The following FAM135B variants were observed in gnomAD, a reference collection of about 807,000 sequenced individuals.
The protein encoded by FAM135B is family with sequence similarity 135 member B.
FAM135B carries 43 observed loss-of-function variants against 127.7 expected under a neutral mutation model. The ratio of observed to expected loss-of-function variants is 0.34; its 90% CI spans 0.26 to 0.43. The LOEUF (loss-of-function observed/expected upper bound fraction) is 0.43, where lower values mean the gene tolerates loss of function less well. FAM135B is among the 20% of genes least tolerant of loss of function. FAM135B has a pLI of 1.00. For missense variants in FAM135B, 1,558 were observed against 1,725.6 expected (o/e 0.90, Z 1.72); for synonymous variants, 670 against 665.1 (o/e 1.01, Z -0.11).
chr8:138,473,685 T>C (rs961901456), intron 1 of FAM135B, among the ~76,000 whole-genome samples: 13 of 152,298 alleles, frequency 8.5e-5, no homozygotes, highest in African/African-American at 3.1e-4. Context: ...CCAATGAGAA[T>C]AATGCACTGG....
At chr8:138,312,948 C>T (rs1228871313) in intron 2 of FAM135B, among the ~76,000 whole-genome samples, 2 of 151,696 alleles carry the variant, frequency 1.3e-5, no homozygotes, top group Non-Finnish European at 3.0e-5. Flanking sequence ...GCAGAGATCG[C>T]CTTTTAAAAT....
At chr8:138,396,985 G>T (rs1438290530) in intron 1 of FAM135B, among the ~76,000 whole-genome samples, 1 of 152,142 alleles carries the variant, frequency 6.6e-6, no homozygotes, top group Non-Finnish European at 1.5e-5. Context: ...ATAAAATCAG[G>T]GTTCCTTGAC....
At chr8:138,297,279 A>T (rs1825544822) in intron 3 of FAM135B, among the ~76,000 whole-genome samples, 1 of 152,236 alleles carries the variant, frequency 6.6e-6, no homozygotes, top group African/African-American at 2.4e-5. Context: ...TAATTCCGTG[A>T]CAAGGGCTTG....
At chr8:138,250,195 A>T (rs567656506) in intron 6 of FAM135B, among the ~76,000 whole-genome samples, 2 of 152,028 alleles carry the variant, frequency 1.3e-5, no homozygotes, top group Non-Finnish European at 2.9e-5. Flanking sequence ...TCTACTAAAA[A>T]TACAAAAATT....
At chr8:138,159,408 G>A (rs1269399134) in intron 12 of FAM135B, among the ~76,000 whole-genome samples, 1 of 151,258 alleles carries the variant, frequency 6.6e-6, no homozygotes, top group African/African-American at 2.4e-5. Context: ...TATACACCAT[G>A]GAATACTATG....
intron 1 of FAM135B, among the ~76,000 whole-genome samples, chr8:138,473,973 ATTTG>A (rs771728166): frequency 2.6e-5 from 4 of 152,170 alleles, no homozygotes; most frequent in Non-Finnish European, 2.9e-5. Context: ...CTTGGGATAC[ATTTG>A]TTTGTTATGC....
In FAM135B at chr8:138,241,953, T is replaced by C. The variant is rs769349197; in HGVS notation, c.669+989A>G. Among the ~76,000 whole-genome samples the C allele has an allele frequency of 1.3e-5, 2 of 152,140 alleles. No individual in the cohort carries two copies. The highest frequency in any genetic ancestry group is 2.9e-5 in the Non-Finnish European group (2 of 68,036). ...GTGAGAGAAAACTGTCTCTCTTATT[T>C]ATTGTCTTTGATCTGGGACATCAGT... On this transcript the variant is annotated intron_variant, in intron 7 of 19. Transcript: ENST00000395297. This position sits in a 1 kb window ranked among gnomAD's most constrained non-coding sequence, Gnocchi z 4.8.
chr8:138,218,905 C>T (rs546054032), intron 7 of FAM135B, among the ~76,000 whole-genome samples: 4 of 152,156 alleles, frequency 2.6e-5, no homozygotes, highest in South Asian at 2.1e-4. Flanking sequence ...TAAAATACTC[C>T]GCAAGAAAAT....
chr8:138,494,931 T>C (rs1815336381), intron 1 of FAM135B, among the ~76,000 whole-genome samples: 1 of 152,092 alleles, frequency 6.6e-6, no homozygotes, highest in Admixed American at 6.5e-5. Flanking sequence ...CACTTGACCT[T>C]CAGCACTTGT....
chr8:138,399,441 A>G (rs2131358196), intron 1 of FAM135B, among the ~76,000 whole-genome samples: 1 of 152,302 alleles, frequency 6.6e-6, no homozygotes, highest in Middle Eastern at 3.4e-3. Context: ...AGTGGTTTTC[A>G]GATAGTGTCC....
Position 138,177,361 on chromosome 8 carries a change from T to C in FAM135B, c.1089A>G (p.Thr363=), listed in dbSNP as rs1586691995. 6.2e-7 allele frequency: 1 copy of C among 1,613,808 alleles called. No individual in the cohort carries two copies. Among genetic ancestry groups the C allele is most frequent in the South Asian group, 1.1e-5 (1 of 90,976 alleles). ...TGGATACTTACAGATTCTCCTGAAA[T>C]GTCAGGACTGCAAGTTTTTGGTGCT... ...YMEHQKLAVL[T]FQENLIQTHS... The change falls in exon 11 of 20, where the codon ACA becomes ACG. Residue 363 remains threonine (T), a synonymous_variant. Coordinates refer to ENST00000395297, the MANE Select transcript of FAM135B (RefSeq NM_015912.4).
At chr8:138,394,292 G>A (rs751159422) in intron 1 of FAM135B, among the ~76,000 whole-genome samples, 2 of 152,132 alleles carry the variant, frequency 1.3e-5, no homozygotes, top group Non-Finnish European at 2.9e-5. Flanking sequence ...GGATAATAAT[G>A]GGCCAGTATT....
intron 1 of FAM135B, among the ~76,000 whole-genome samples, chr8:138,386,886 CAG>C (rs2131308958): frequency 6.6e-6 from 1 of 152,180 alleles, no homozygotes; most frequent in South Asian, 2.1e-4. Context: ...GAGTTCAAGA[CAG>C]GGAAGTATGA....
intron 7 of FAM135B, among the ~76,000 whole-genome samples, chr8:138,239,111 C>T (rs1438373456): frequency 6.6e-6 from 1 of 152,106 alleles, no homozygotes; most frequent in Non-Finnish European, 1.5e-5. Context: ...CTTCTGAAAT[C>T]CTCCCTAGAA....
chr8:138,244,556 T>C (rs1821135800), intron 6 of FAM135B, among the ~76,000 whole-genome samples: 1 of 152,218 alleles, frequency 6.6e-6, no homozygotes. Context: ...CTTCCATCAA[T>C]GCTAGGAGCT....
chr8:138,461,571 A>G (rs1564021195), intron 1 of FAM135B, among the ~76,000 whole-genome samples: 1 of 152,196 alleles, frequency 6.6e-6, no homozygotes, highest in African/African-American at 2.4e-5. Flanking sequence ...TGTTAAGCCA[A>G]TACTCTAATT....
chr8:138,171,913 T>TGGACATATCTG (rs913482992), intron 11 of FAM135B, among the ~76,000 whole-genome samples: 6 of 152,192 alleles, frequency 3.9e-5, no homozygotes, highest in Admixed American at 3.9e-4. Flanking sequence ...TGTGTTTACA[T>TGGACATATCTG]GGACATATCT....
At chr8:138,446,101 T>C (rs1168942477) in intron 1 of FAM135B, among the ~76,000 whole-genome samples, 2 of 152,188 alleles carry the variant, frequency 1.3e-5, no homozygotes, top group Non-Finnish European at 1.5e-5. Flanking sequence ...TTACAACGGA[T>C]GTGAAGGACC....
intron 1 of FAM135B, among the ~76,000 whole-genome samples, chr8:138,436,548 T>C (rs1008715998): frequency 2.0e-5 from 3 of 152,198 alleles, no homozygotes; most frequent in African/African-American, 7.2e-5. Flanking sequence ...CTAGTCTGTG[T>C]TCCCAGGGAC....
Sources: allele counts gnomAD v4.1 joint callset (sites outside exome capture counted in the v4.1 genomes callset), GRCh38; gene constraint gnomAD v4.1.1; non-coding constraint Gnocchi (gnomAD v3.1); transcripts MANE v1.5; gene names NCBI Gene and HGNC (gene_info 2026-07-23, HGNC 2026-07-21).